The following KCNIP3 variants were observed in gnomAD, a reference collection of about 807,000 sequenced individuals.
KCNIP3 encodes the protein calsenilin.
A neutral mutation model predicts 35.0 loss-of-function variants in KCNIP3; 28 were observed. The observed-to-expected ratio is 0.80, with a 90% CI of 0.59 to 1.10. The LOEUF (loss-of-function observed/expected upper bound fraction) is 1.10, where lower values mean the gene tolerates loss of function less well. Among genes scored for constraint, KCNIP3 ranks in the 50% least tolerant of loss-of-function variants. The pLI, the probability that KCNIP3 is intolerant of heterozygous loss-of-function variation, is 0.00. For synonymous variants in KCNIP3, 134 were observed against 133.8 expected (o/e 1.00, Z -0.01); for missense variants, 295 against 338.4 (o/e 0.87, Z 1.01).
At chr2:95,323,028 G>C (rs1573489190) in intron 2 of KCNIP3, among the ~76,000 whole-genome samples, 1 of 152,196 alleles carries the variant, frequency 6.6e-6, no homozygotes, top group Non-Finnish European at 1.5e-5. Flanking sequence ...CCTGGCCCCC[G>C]CTCTGGCCTC....
chr2:95,370,759 AT>A (rs377232010), intron 2 of KCNIP3, among the ~76,000 whole-genome samples: 8 of 151,070 alleles, frequency 5.3e-5, no homozygotes, highest in South Asian at 2.1e-4. Context: ...TTTGTCATTG[AT>A]TTTTTTTTCT....
At chr2:95,363,339 A>G (rs1444910702) in intron 2 of KCNIP3, among the ~76,000 whole-genome samples, 2 of 152,170 alleles carry the variant, frequency 1.3e-5, no homozygotes, top group African/African-American at 2.4e-5. Context: ...GTGGTGATCC[A>G]GTTTTCCTAA....
chr2:95,308,629 A>T (rs1678236903), intron 1 of KCNIP3, among the ~76,000 whole-genome samples: 1 of 152,178 alleles, frequency 6.6e-6, no homozygotes, highest in African/African-American at 2.4e-5. Context: ...TTGCAGCAGC[A>T]GCAGAGCCCT....
At chr2:95,351,860 G>A (rs1232140580) in intron 2 of KCNIP3, among the ~76,000 whole-genome samples, 1 of 152,118 alleles carries the variant, frequency 6.6e-6, no homozygotes, top group Non-Finnish European at 1.5e-5. Flanking sequence ...GAGGTGTTGG[G>A]GTGTACGTGT....
chr2:95,377,439 T>C lies in KCNIP3; in HGVS notation c.447+2231T>C, dbSNP rs574154277. 2.6e-5 allele frequency among the ~76,000 whole-genome samples: 4 copies of C among 152,368 alleles called. No homozygotes were observed. The highest frequency in any genetic ancestry group is 4.4e-5 in the Non-Finnish European group (3 of 68,042). On this transcript the variant is annotated intron_variant, in intron 5 of 8. Transcript: ENST00000295225. The surrounding 1 kb of genome is among the most constrained non-coding windows in gnomAD (Gnocchi z 4.7). ...CCACATGCGACTCCCACCCCCTCGC[T>C]GAGCACCTGCTCCGGGCTCTGCCGG...
At chr2:95,314,867 C>G (rs1422709263) in intron 2 of KCNIP3, among the ~76,000 whole-genome samples, 1 of 152,218 alleles carries the variant, frequency 6.6e-6, no homozygotes, top group Non-Finnish European at 1.5e-5. Context: ...TTCCCGGGCT[C>G]CGGGCTTGTT....
At chr2:95,347,418 C>T (rs1244394580) in intron 2 of KCNIP3, among the ~76,000 whole-genome samples, 5 of 152,198 alleles carry the variant, frequency 3.3e-5, no homozygotes, top group Admixed American at 2.0e-4. Flanking sequence ...GTGAGCACAC[C>T]GGCTTGGGTC....
At chr2:95,324,156 G>A (rs1204722904) in intron 2 of KCNIP3, among the ~76,000 whole-genome samples, 1 of 152,230 alleles carries the variant, frequency 6.6e-6, no homozygotes, top group African/African-American at 2.4e-5. Flanking sequence ...TGAACTAAAC[G>A]GATTCCCTGA....
At position 95,382,083 on chromosome 2, in the gene KCNIP3, A is replaced by G. The variant is rs2104308608; in HGVS notation, c.556-294A>G. Among the ~76,000 whole-genome samples the G allele has an allele frequency of 6.6e-6, 1 of 152,212 alleles. No homozygotes were observed. Among genetic ancestry groups the G allele is most frequent in the East Asian group, 1.9e-4 (1 of 5,166 alleles). Reference sequence around the variant, plus strand: ...TGGGTGGAGAGGGGAGCCCTCGCACATGGGCCCACAGACAGGTTTTGTTTG... The same window carrying G: ...TGGGTGGAGAGGGGAGCCCTCGCACGTGGGCCCACAGACAGGTTTTGTTTG... On this transcript the variant is annotated intron_variant, in intron 6 of 8. Coordinates refer to ENST00000295225, the MANE Select transcript of KCNIP3 (RefSeq NM_013434.5). This position sits in a 1 kb window ranked among gnomAD's most constrained non-coding sequence, Gnocchi z 4.5.
Position 95,374,421 on chromosome 2 carries a change from G to A in KCNIP3, c.306+1G>A. On this transcript the variant is annotated splice_donor_variant, in intron 3 of 8. Transcript: ENST00000295225. LOFTEE classifies it high-confidence loss of function. ...GTCTCTCTACAGGGGCTTTAAGAATGTGAGTGTTCCCCATTCCCCCGGGAG... is the reference window on the plus strand; with the variant it reads ...GTCTCTCTACAGGGGCTTTAAGAATATGAGTGTTCCCCATTCCCCCGGGAG... 2 of 1,613,894 alleles carry A rather than the reference G, an allele frequency of 1.2e-6. No homozygotes were observed. The highest frequency in any genetic ancestry group is 1.7e-6 in the Non-Finnish European group (2 of 1,179,806).
At chr2:95,357,674 T>C (rs1477979234) in intron 2 of KCNIP3, among the ~76,000 whole-genome samples, 1 of 152,196 alleles carries the variant, frequency 6.6e-6, no homozygotes, top group African/African-American at 2.4e-5. Context: ...GACCCAGGAC[T>C]GCAGGAATTC....
At chr2:95,323,447 C>T (rs537347426) in intron 2 of KCNIP3, among the ~76,000 whole-genome samples, 9 of 152,162 alleles carry the variant, frequency 5.9e-5, no homozygotes, top group Non-Finnish European at 8.8e-5. Context: ...CTCTGGGCTC[C>T]GTGGCACAAT....
intron 2 of KCNIP3, among the ~76,000 whole-genome samples, chr2:95,318,802 GGA>G (rs1183828999): frequency 6.6e-6 from 1 of 152,246 alleles, no homozygotes; most frequent in Non-Finnish European, 1.5e-5. Context: ...GGGACGCGGA[GGA>G]GAGTAGGCTA....
intron 2 of KCNIP3, among the ~76,000 whole-genome samples, chr2:95,314,986 CTG>C (rs1026857365): frequency 5.3e-5 from 8 of 152,336 alleles, no homozygotes; most frequent in African/African-American, 1.7e-4. Context: ...GGTCTCATCA[CTG>C]TTCTGTGAGG....
rs546411671 is a variant in KCNIP3, at chr2:95,364,555, G to A, written c.182-9741G>A. Among the ~76,000 whole-genome samples, 6 of 152,296 alleles carry A rather than the reference G, an allele frequency of 3.9e-5. No individual in the cohort carries two copies. The East Asian group carries it at 5.8e-4, about 15-fold the overall frequency. On this transcript the variant is annotated intron_variant, in intron 2 of 8. Coordinates refer to ENST00000295225, the MANE Select transcript of KCNIP3 (RefSeq NM_013434.5). ...TAGTGGGAAGTATTGAATCACGGGC[G>A]CGGATCCCTCCTGAATGGCCCAGCA...
At chr2:95,328,862 C>G (rs777764462) in intron 2 of KCNIP3, among the ~76,000 whole-genome samples, 1 of 152,232 alleles carries the variant, frequency 6.6e-6, no homozygotes, top group East Asian at 1.9e-4. Context: ...CCTCCGAGCT[C>G]TGGCCTTTGC....
In KCNIP3 at chr2:95,378,472, C is replaced by T. The variant is rs553549069; in HGVS notation, c.448-3124C>T. 8.6e-5 allele frequency among the ~76,000 whole-genome samples: 13 copies of T among 151,894 alleles called. No individual in the cohort carries two copies. The highest frequency in any genetic ancestry group is 3.3e-4 in the Admixed American group (5 of 15,260). On this transcript the variant is annotated intron_variant, in intron 5 of 8. Transcript: ENST00000295225. This position sits in a 1 kb window ranked among gnomAD's most constrained non-coding sequence, Gnocchi z 4.0. ...TTCATTGGCCGGGCTCGGTGGCTCA[C>T]GCCTGCAATCCCAGCACTTTGAGAG...
At chr2:95,345,119 A>T (rs1430976315) in intron 2 of KCNIP3, among the ~76,000 whole-genome samples, 2 of 152,228 alleles carry the variant, frequency 1.3e-5, no homozygotes, top group African/African-American at 4.8e-5. Flanking sequence ...GTTCTTTAAA[A>T]CTAACGCCAA....
chr2:95,364,668 G>C (rs921052269), intron 2 of KCNIP3, among the ~76,000 whole-genome samples: 1 of 152,028 alleles, frequency 6.6e-6, no homozygotes, highest in Non-Finnish European at 1.5e-5. Flanking sequence ...TAAAGAGCCT[G>C]GCACCTCCTC....
Sources: allele counts gnomAD v4.1 joint callset (sites outside exome capture counted in the v4.1 genomes callset), GRCh38; gene constraint gnomAD v4.1.1; non-coding constraint Gnocchi (gnomAD v3.1); transcripts MANE v1.5; gene names NCBI Gene and HGNC (gene_info 2026-07-23, HGNC 2026-07-21).